Variants in ZMAT4 observed in about 807,000 individuals in gnomAD.
The protein encoded by ZMAT4 is zinc finger matrin-type protein 4.
Under a neutral mutation model 28.7 loss-of-function variants are expected in ZMAT4, and 17 were observed. The observed-to-expected ratio is 0.59, with a 90% CI of 0.41 to 0.89. The LOEUF (loss-of-function observed/expected upper bound fraction) is 0.89, where lower values mean the gene tolerates loss of function less well. ZMAT4 is among the 40% of genes least tolerant of loss of function. The pLI is 0.00. For synonymous variants in ZMAT4, 117 were observed against 109.2 expected, an observed-to-expected ratio of 1.07 and a Z score of -0.44; for missense variants, 240 against 283.8, an observed-to-expected ratio of 0.85 and a Z score of 1.11.
At chr8:40,651,478 A>G (rs1010882744) in intron 5 of ZMAT4, among the ~76,000 whole-genome samples, 6 of 150,796 alleles carry the variant, frequency 4.0e-5, no homozygotes, top group African/African-American at 1.5e-4. Context: ...GGAAAAATCA[A>G]TATCGTGAAA....
At chr8:40,881,528 C>CAGAAAGAAAGAAAGAAAGAA (rs201960642) in intron 1 of ZMAT4, among the ~76,000 whole-genome samples, 6 of 51,930 alleles carry the variant, frequency 1.2e-4, no homozygotes, top group Admixed American at 4.3e-4. Context: ...GAGAGAGAGA[C>CAGAAAGAAAGAAAGAAAGAA]AGAAAGAAAG....
intron 5 of ZMAT4, among the ~76,000 whole-genome samples, chr8:40,664,684 C>T (rs1219173661): frequency 2.0e-5 from 3 of 152,164 alleles, no homozygotes; most frequent in Non-Finnish European, 1.5e-5. Context: ...CTCCCAAATC[C>T]CCTCATGGAA....
chr8:40,770,710 G>C (rs1256002454), intron 2 of ZMAT4, among the ~76,000 whole-genome samples: 2 of 152,028 alleles, frequency 1.3e-5, no homozygotes, highest in Non-Finnish European at 2.9e-5. Context: ...ACCACGCCTG[G>C]CTAGTTTTTG....
At chr8:40,609,011 G>A (rs1805700219) in intron 5 of ZMAT4, among the ~76,000 whole-genome samples, 2 of 152,190 alleles carry the variant, frequency 1.3e-5, no homozygotes, top group Admixed American at 6.5e-5. Flanking sequence ...AGTTCTTGGA[G>A]TGAAAATTCA....
intron 3 of ZMAT4, among the ~76,000 whole-genome samples, chr8:40,766,986 G>A (rs1192200415): frequency 6.6e-6 from 1 of 152,182 alleles, no homozygotes; most frequent in Admixed American, 6.5e-5. Flanking sequence ...TCTGCAGCTG[G>A]TGGATATGAA....
chr8:40,699,884 A>G (rs528224523), intron 3 of ZMAT4, among the ~76,000 whole-genome samples: 11 of 152,380 alleles, frequency 7.2e-5, no homozygotes, highest in Non-Finnish European at 1.3e-4. Flanking sequence ...ACTTCCAGTG[A>G]AAACTCCAGC....
intron 1 of ZMAT4, among the ~76,000 whole-genome samples, chr8:40,882,028 G>C (rs938784874): frequency 6.6e-5 from 10 of 152,130 alleles, no homozygotes; most frequent in Admixed American, 1.3e-4. Context: ...TGCACCAACA[G>C]CTGAAGGAAA....
intron 2 of ZMAT4, among the ~76,000 whole-genome samples, chr8:40,780,249 A>G (rs1022796530): frequency 2.6e-5 from 4 of 152,178 alleles, no homozygotes; most frequent in African/African-American, 7.2e-5. Flanking sequence ...CCTACCTTAC[A>G]CATGCTCAGA....
At chr8:40,716,949 CTA>C (rs1180418077) in intron 3 of ZMAT4, among the ~76,000 whole-genome samples, 2 of 152,168 alleles carry the variant, frequency 1.3e-5, no homozygotes, top group Non-Finnish European at 2.9e-5. Flanking sequence ...TCCCTGGACG[CTA>C]GCATACCTAT....
intron 6 of ZMAT4, among the ~76,000 whole-genome samples, chr8:40,545,196 G>A (rs1325820701): frequency 1.3e-5 from 2 of 152,020 alleles, no homozygotes; most frequent in Admixed American, 6.6e-5. Flanking sequence ...GTTGAGAGCA[G>A]ACTCCCCCCT....
At chr8:40,810,697 C>T (rs1815280883) in intron 2 of ZMAT4, among the ~76,000 whole-genome samples, 1 of 151,968 alleles carries the variant, frequency 6.6e-6, no homozygotes, top group Non-Finnish European at 1.5e-5. Context: ...AAAATGTTTA[C>T]TAAATTGATC....
chr8:40,665,628 G>T (rs1235967090), intron 5 of ZMAT4, among the ~76,000 whole-genome samples: 1 of 152,168 alleles, frequency 6.6e-6, no homozygotes, highest in Non-Finnish European at 1.5e-5. Flanking sequence ...ACTCAGAGTT[G>T]GCTGTGCTTA....
rs1585952799 is a variant in ZMAT4, at chr8:40,729,291, T to C, written c.193-31890A>G. Among the ~76,000 whole-genome samples the C allele has an allele frequency of 3.9e-5, 6 of 152,170 alleles. No individual in the cohort carries two copies. The South Asian group carries it at 1.2e-3, about 31-fold the overall frequency. On this transcript the variant is annotated intron_variant, in intron 3 of 6. Transcript: ENST00000297737. ...ATCTTTTGGAGGACAGTTAATTATCTCTGTCATATCAAGTATCCAAATGGG... is the reference window on the plus strand; with the variant it reads ...ATCTTTTGGAGGACAGTTAATTATCCCTGTCATATCAAGTATCCAAATGGG...
At chr8:40,780,197 A>G (rs1050538013) in intron 2 of ZMAT4, among the ~76,000 whole-genome samples, 4 of 152,200 alleles carry the variant, frequency 2.6e-5, no homozygotes, top group Admixed American at 1.3e-4. Flanking sequence ...ATCGAAATGC[A>G]TTTGACACAC....
At chr8:40,669,397 A>T (rs571414203) in intron 5 of ZMAT4, among the ~76,000 whole-genome samples, 1 of 152,204 alleles carries the variant, frequency 6.6e-6, no homozygotes, top group Admixed American at 6.5e-5. Flanking sequence ...AAAGCAAAAA[A>T]GTCAAATAAA....
intron 4 of ZMAT4, among the ~76,000 whole-genome samples, chr8:40,678,490 C>T (rs1358489799): frequency 6.6e-6 from 1 of 152,192 alleles, no homozygotes; most frequent in Non-Finnish European, 1.5e-5. Flanking sequence ...TCCACATAGC[C>T]GTGCACCTGT....
intron 2 of ZMAT4, among the ~76,000 whole-genome samples, chr8:40,815,566 A>AC (rs1324897206): frequency 6.6e-6 from 1 of 152,164 alleles, no homozygotes; most frequent in Middle Eastern, 3.2e-3. Flanking sequence ...AGCTGAGGAG[A>AC]CCCCCAGGAG....
chr8:40,768,134 G>A (rs1168327806), intron 2 of ZMAT4, among the ~76,000 whole-genome samples: 1 of 152,108 alleles, frequency 6.6e-6, no homozygotes, highest in Non-Finnish European at 1.5e-5. Flanking sequence ...ATGCCTCCTT[G>A]GGAGCCTGGT....
At chr8:40,710,810 C>G (rs941065834) in intron 3 of ZMAT4, among the ~76,000 whole-genome samples, 3 of 151,300 alleles carry the variant, frequency 2.0e-5, no homozygotes, top group Admixed American at 6.6e-5. Context: ...GAGACACAGT[C>G]TCACTCTGCC....
Sources: allele counts gnomAD v4.1 joint callset (sites outside exome capture counted in the v4.1 genomes callset), GRCh38; gene constraint gnomAD v4.1.1; transcripts MANE v1.5; gene names NCBI Gene and HGNC (gene_info 2026-07-23, HGNC 2026-07-21).